Variants in RANBP2 observed in about 807,000 individuals in gnomAD.
RANBP2 encodes E3 SUMO-protein ligase RanBP2.
A neutral mutation model predicts 303.6 loss-of-function variants in RANBP2; 57 were observed. The ratio of observed to expected loss-of-function variants is 0.19; its 90% CI spans 0.15 to 0.23. The LOEUF is 0.23. Ranked by LOEUF, RANBP2 falls within the 10% of genes least tolerant of loss-of-function variation. RANBP2 has a pLI of 1.00. For missense variants in RANBP2, 3,138 were observed against 3,780.8 expected, an observed-to-expected ratio of 0.83 and a Z score of 4.46; for synonymous variants, 1,167 against 1,301.5, an observed-to-expected ratio of 0.90 and a Z score of 2.23.
the RANBP2 span, among the ~76,000 whole-genome samples, chr2:109,491,486 C>T: frequency 2.6e-5 from 4 of 152,180 alleles, no homozygotes; most frequent in South Asian, 2.1e-4. Context: ...TCATTCATTT[C>T]GATGCTTACT....
the RANBP2 span, among the ~76,000 whole-genome samples, chr2:108,985,917 G>T: frequency 6.6e-6 from 1 of 152,206 alleles, no homozygotes; most frequent in South Asian, 2.1e-4. Flanking sequence ...ATGTCCTTGG[G>T]GTGTGCTATG....
At chr2:109,096,218 A>T in the RANBP2 span, among the ~76,000 whole-genome samples, 1 of 152,330 alleles carries the variant, frequency 6.6e-6, no homozygotes, top group East Asian at 1.9e-4. Flanking sequence ...AGGCTTATTT[A>T]ATGTATCAAA....
At chr2:109,168,267 C>T in the RANBP2 span, among the ~76,000 whole-genome samples, 3 of 152,200 alleles carry the variant, frequency 2.0e-5, no homozygotes, top group African/African-American at 7.2e-5. Flanking sequence ...CTGATGGGGT[C>T]TGACTGTTGG....
chr2:109,629,335 ATATATATATATATATATATATTT>A, the RANBP2 span, among the ~76,000 whole-genome samples: 282 of 9,488 alleles, frequency 0.03, 10 homozygotes, highest in East Asian at 0.093. Flanking sequence ...ATATATATAT[ATATATATATATATATATATATTT>A]TTTTTTTTTT....
chr2:109,608,271 T>A, the RANBP2 span, among the ~76,000 whole-genome samples: 1 of 152,136 alleles, frequency 6.6e-6, no homozygotes, highest in Non-Finnish European at 1.5e-5. Context: ...GGGATACAGT[T>A]TTCTCATGGA....
the RANBP2 span, chr2:108,929,426 A>C: frequency 6.3e-7 from 1 of 1,594,628 alleles, no homozygotes; most frequent in East Asian, 2.2e-5. Flanking sequence ...GCAGCAGCCA[A>C]ACCATACGGA....
the RANBP2 span, among the ~76,000 whole-genome samples, chr2:109,774,611 C>G: frequency 1.4e-5 from 1 of 69,100 alleles, no homozygotes; most frequent in Non-Finnish European, 2.4e-5. Flanking sequence ...GGAAAAACAT[C>G]TTGAGATTTA....
intron 1 of RANBP2, among the ~76,000 whole-genome samples, chr2:108,723,105 G>A (rs1448423024): frequency 6.6e-6 from 1 of 151,770 alleles, no homozygotes; most frequent in East Asian, 1.9e-4. Context: ...CAAATTTTTG[G>A]GCGTAAATGA....
At chr2:109,082,394 G>T in the RANBP2 span, among the ~76,000 whole-genome samples, 1 of 151,934 alleles carries the variant, frequency 6.6e-6, no homozygotes, top group Admixed American at 6.6e-5. Flanking sequence ...TCCGCTTCCC[G>T]GGTTCACACC....
the RANBP2 span, among the ~76,000 whole-genome samples, chr2:109,160,257 G>C: frequency 6.6e-6 from 1 of 152,324 alleles, no homozygotes; most frequent in East Asian, 1.9e-4. Flanking sequence ...GTGACCCATG[G>C]AGTGTGACAG....
the RANBP2 span, among the ~76,000 whole-genome samples, chr2:109,729,527 G>A: frequency 6.6e-6 from 1 of 152,094 alleles, no homozygotes; most frequent in African/African-American, 2.4e-5. Context: ...AATCCCAGCT[G>A]TAATCCCAGC....
At chr2:109,416,199 C>G in the RANBP2 span, among the ~76,000 whole-genome samples, 8 of 152,204 alleles carry the variant, frequency 5.3e-5, no homozygotes, top group Non-Finnish European at 1.2e-4. Flanking sequence ...ACAAGACTGC[C>G]TCATGCCTTT....
the RANBP2 span, among the ~76,000 whole-genome samples, chr2:109,468,133 G>A: frequency 3.3e-5 from 5 of 152,214 alleles, no homozygotes; most frequent in African/African-American, 1.2e-4. Flanking sequence ...GCGTCGTTTG[G>A]TGATTTTGTC....
At chr2:109,057,985 G>C in the RANBP2 span, among the ~76,000 whole-genome samples, 1 of 152,200 alleles carries the variant, frequency 6.6e-6, no homozygotes, top group Non-Finnish European at 1.5e-5. Context: ...GGCCTTTGTG[G>C]CTGCGGAGGG....
At chr2:109,144,238 T>C in the RANBP2 span, among the ~76,000 whole-genome samples, 7 of 152,282 alleles carry the variant, frequency 4.6e-5, no homozygotes, top group Non-Finnish European at 7.3e-5. Flanking sequence ...GTGATAGATA[T>C]ATATTAACTG....
chr2:109,287,799 C>T, the RANBP2 span, among the ~76,000 whole-genome samples: 1 of 152,238 alleles, frequency 6.6e-6, no homozygotes, highest in Non-Finnish European at 1.5e-5. Flanking sequence ...AAGCTTCGCA[C>T]TGTTGCCAGT....
chr2:109,660,190 A>G, the RANBP2 span, among the ~76,000 whole-genome samples: 2 of 152,160 alleles, frequency 1.3e-5, no homozygotes, highest in Admixed American at 6.5e-5. Context: ...CCTGCAACCA[A>G]TCAGACTAGT....
chr2:109,280,874 A>G, the RANBP2 span, among the ~76,000 whole-genome samples: 20 of 152,202 alleles, frequency 1.3e-4, no homozygotes, highest in Non-Finnish European at 1.9e-4. Context: ...ACCGTGTCTA[A>G]TAAGCCTGCA....
the RANBP2 span, among the ~76,000 whole-genome samples, chr2:108,914,699 C>T: frequency 1.3e-5 from 2 of 152,212 alleles, no homozygotes; most frequent in African/African-American, 4.8e-5. Flanking sequence ...ATGCATCTCC[C>T]ACTCTCTCAC....
Sources: allele counts gnomAD v4.1 joint callset (sites outside exome capture counted in the v4.1 genomes callset), GRCh38; gene constraint gnomAD v4.1.1; transcripts MANE v1.5; gene names NCBI Gene and HGNC (gene_info 2026-07-23, HGNC 2026-07-21).